The following CNPY3 variants were observed in gnomAD, a reference collection of about 807,000 sequenced individuals.
The protein encoded by CNPY3 is canopy FGF signaling regulator 3, also known as protein canopy homolog 3.
In CNPY3, 20 loss-of-function variants were observed where a neutral mutation model predicts 32.0. That is an observed-to-expected ratio of 0.63 (90% CI 0.44 to 0.91). The LOEUF (loss-of-function observed/expected upper bound fraction) is 0.91, where lower values mean the gene tolerates loss of function less well. Among genes scored for constraint, CNPY3 ranks in the 40% least tolerant of loss-of-function variants. The probability of loss-of-function intolerance (pLI) is 0.00; values close to 1 mark genes in which losing one functional copy is unlikely to be tolerated. For missense variants in CNPY3, 299 were observed against 340.8 expected, an observed-to-expected ratio of 0.88 and a Z score of 0.97; for synonymous variants, 138 against 142.9, an observed-to-expected ratio of 0.97 and a Z score of 0.24.
chr6:42,929,046 A>G (rs1392343863), upstream of CNPY3: 1 of 152,938 alleles, frequency 6.5e-6, no homozygotes, highest in Non-Finnish European at 1.5e-5. Flanking sequence ...CAATACCAAT[A>G]ATAAAATTTA....
intron 1 of CNPY3, among the ~76,000 whole-genome samples, chr6:42,931,207 T>G (rs1767782992): frequency 6.8e-6 from 1 of 146,120 alleles, no homozygotes; most frequent in Non-Finnish European, 1.5e-5. Context: ...CACTTTTCGC[T>G]CTTCCTCTAG....
At chr6:42,935,408 C>G in intron 2 of CNPY3, 166 bp from the exon 3 acceptor site, 13 of 985,144 alleles carry the variant, frequency 1.3e-5, no homozygotes, top group Non-Finnish European at 1.6e-5. Context: ...GGTCTGTGTT[C>G]CAGCATTTCA....
chr6:42,939,273 C>A lies in CNPY3; in HGVS notation c.*482C>A. The A allele has an allele frequency of 1.0e-6, 1 of 986,582 alleles. No homozygotes were observed. Among genetic ancestry groups the A allele is most frequent in the Non-Finnish European group, 1.2e-6 (1 of 830,848 alleles). 61.1% of individuals were successfully genotyped at this position (986,582 alleles called of 1,614,324 possible). On this transcript the variant is annotated 3_prime_UTR_variant, in exon 6 of 6. Transcript: ENST00000372836. ...AATGTTCTGGTTCTGATTTCTGAGT[C>A]CTCTGCAGCCCTCAGAGGTGCCCTG... is the stretch of plus-strand genomic sequence containing the variant.
At position 42,929,731 on chromosome 6, in the gene CNPY3, CGGGGCCCGT is replaced by C; in HGVS notation, c.151+16_151+24del. The C allele has an allele frequency of 6.5e-7, 1 of 1,541,974 alleles. No homozygotes were observed. Among genetic ancestry groups the C allele is most frequent in the South Asian group, 1.2e-5 (1 of 83,694 alleles). ...CCCAGCAAATGCGAAGGTGAGGAGGCGGGGCCCGTGGGGCGTATCCTGCCGGAGGGGCTG... is the reference window on the plus strand; with the variant it reads ...CCCAGCAAATGCGAAGGTGAGGAGGCGGGGCGTATCCTGCCGGAGGGGCTG... On this transcript the variant is annotated intron_variant, in intron 1 of 5. Coordinates refer to ENST00000372836, the MANE Select transcript of CNPY3 (RefSeq NM_006586.5).
In CNPY3 at chr6:42,939,209, T is replaced by G. The variant is rs1768443809; in HGVS notation, c.*418T>G. 1.0e-6 allele frequency: 1 copy of G among 1,000,368 alleles called. No homozygotes were observed. Among genetic ancestry groups the G allele is most frequent in the Non-Finnish European group, 1.2e-6 (1 of 840,496 alleles). The allele number at this position is 1,000,368 out of a possible 1,614,324, so 62.0% of individuals were successfully genotyped here. A position where few individuals can be genotyped will look rare whatever the true frequency, so the allele number is the denominator to read the frequency against. On this transcript the variant is annotated 3_prime_UTR_variant, in exon 6 of 6. Coordinates refer to ENST00000372836, the MANE Select transcript of CNPY3 (RefSeq NM_006586.5). ...CTGCTTACCCCTCCTGTGGACACCT[T>G]GCACTCTGCCTGGCCCTTCCCAGAG... is the stretch of plus-strand genomic sequence containing the variant.
At position 42,929,527 on chromosome 6, in the gene CNPY3, A is replaced by C. The variant is rs1767596915; in HGVS notation, c.-44A>C. On this transcript the variant is annotated 5_prime_UTR_variant, in exon 1 of 6. Coordinates refer to ENST00000372836, the MANE Select transcript of CNPY3 (RefSeq NM_006586.5). Reference sequence around the variant, plus strand: ...GAAACTGCTCCGCGCGCGCCGCGGGAGGAGGAACCGCCCGGTCCTTTAGGG... The same window carrying C: ...GAAACTGCTCCGCGCGCGCCGCGGGCGGAGGAACCGCCCGGTCCTTTAGGG... 1.3e-6 allele frequency: 2 copies of C among 1,512,672 alleles called. No homozygotes were observed. Among genetic ancestry groups the C allele is most frequent in the East Asian group, 2.4e-5 (1 of 42,464 alleles). 93.7% of individuals were successfully genotyped at this position (1,512,672 alleles called of 1,614,324 possible).
chr6:42,936,697 G>A (rs1213122176), intron 3 of CNPY3, among the ~76,000 whole-genome samples: 3 of 152,002 alleles, frequency 2.0e-5, no homozygotes, highest in African/African-American at 4.8e-5. Context: ...CACCACGCCC[G>A]ACTAATTTTT....
chr6:42,928,326 T>A (rs1279871644), upstream of CNPY3, among the ~76,000 whole-genome samples: 1 of 151,052 alleles, frequency 6.6e-6, no homozygotes, highest in Non-Finnish European at 1.5e-5. Context: ...ATTTTTGAGA[T>A]GGGGGGGGTG....
At chr6:42,935,128 A>G (rs1242948083) in intron 2 of CNPY3, among the ~76,000 whole-genome samples, 1 of 152,160 alleles carries the variant, frequency 6.6e-6, no homozygotes, top group Non-Finnish European at 1.5e-5. Context: ...TCGGCCTCCC[A>G]AAGTGCTGGG....
intron 1 of CNPY3, among the ~76,000 whole-genome samples, chr6:42,930,024 G>T (rs958045352): frequency 6.6e-6 from 1 of 152,080 alleles, no homozygotes; most frequent in African/African-American, 2.4e-5. Flanking sequence ...GTGGGGGAGG[G>T]GGTGGGCGAA....
At chr6:42,934,626 G>C in intron 2 of CNPY3, 28 bp downstream of exon 2, 4 of 1,612,628 alleles carry the variant, frequency 2.5e-6, no homozygotes, top group Non-Finnish European at 2.5e-6. Context: ...CACTGGCCTG[G>C]CCTGCGTTGC....
At chr6:42,938,517 A>T in intron 5 of CNPY3, 51 bp from the exon 6 acceptor site, 1 of 1,511,200 alleles carries the variant, frequency 6.6e-7, no homozygotes, top group Non-Finnish European at 9.0e-7. Context: ...CTTGCCCAGC[A>T]CCCCAGCCCT....
intron 3 of CNPY3, 136 bp downstream of exon 3, chr6:42,935,806 C>T (rs568302505): frequency 6.8e-6 from 7 of 1,023,870 alleles, no homozygotes; most frequent in South Asian, 3.6e-5. Flanking sequence ...CTTTGATTGC[C>T]GTTTGTGCTC....
chr6:42,928,635 A>G (rs12214167), upstream of CNPY3, among the ~76,000 whole-genome samples: 20,544 of 152,158 alleles, frequency 0.14, 1,693 homozygotes, highest in South Asian at 0.2. Context: ...TGTGCCAGGC[A>G]CCCTGTTGTT....
At chr6:42,938,035 C>T in intron 4 of CNPY3, 55 bp from the exon 5 acceptor site, 2 of 1,538,204 alleles carry the variant, frequency 1.3e-6, no homozygotes, top group South Asian at 1.1e-5. Context: ...CTGAGCTCCT[C>T]TAGGAGCGAG....
chr6:42,938,243 A>C (rs1768371533), intron 5 of CNPY3, 36 bp downstream of exon 5: 1 of 1,521,212 alleles, frequency 6.6e-7, no homozygotes, highest in Non-Finnish European at 9.1e-7. Context: ...CTGGCTCTGG[A>C]TGATTTGTTT....
chr6:42,932,151 GATCTCTAT>G (rs574491474), intron 1 of CNPY3, among the ~76,000 whole-genome samples: 27 of 152,172 alleles, frequency 1.8e-4, no homozygotes, highest in African/African-American at 6.3e-4. Flanking sequence ...AGATGCCCAG[GATCTCTAT>G]ATCTCTATAT....
At chr6:42,937,249 CAG>C (rs773906590) in intron 3 of CNPY3, among the ~76,000 whole-genome samples, 4 of 152,076 alleles carry the variant, frequency 2.6e-5, no homozygotes, top group Non-Finnish European at 4.4e-5. Context: ...AGAGGCAGAT[CAG>C]GGGGTATATG....
chr6:42,936,480 C>T (rs1472957682), intron 3 of CNPY3, among the ~76,000 whole-genome samples: 1 of 152,136 alleles, frequency 6.6e-6, no homozygotes, highest in Non-Finnish European at 1.5e-5. Context: ...CGGCTGGAAA[C>T]GAAGCATGGG....
Sources: gnomAD v4.1 joint callset for allele counts (sites outside exome capture counted in the v4.1 genomes callset) on GRCh38, gnomAD v4.1.1 for gene constraint, MANE v1.5 for transcripts, NCBI Gene and HGNC (gene_info 2026-07-23, HGNC 2026-07-21) for gene names.